The following DYTN variants were observed in gnomAD, a reference collection of about 807,000 sequenced individuals.
DYTN encodes the protein dystrotelin.
A neutral mutation model predicts 69.6 loss-of-function variants in DYTN; 75 were observed. The ratio of observed to expected loss-of-function variants is 1.08; its 90% CI spans 0.89 to 1.31. The LOEUF is 1.31. DYTN is among the 50% of genes most tolerant of loss of function. The pLI, the probability that DYTN is intolerant of heterozygous loss-of-function variation, is 0.00. For synonymous variants in DYTN, 252 were observed against 249.1 expected (o/e 1.01, Z -0.11); for missense variants, 726 against 688.4 (o/e 1.05, Z -0.61).
intron 9 of DYTN, among the ~76,000 whole-genome samples, chr2:206,672,317 G>A (rs970263622): frequency 6.6e-6 from 1 of 152,186 alleles, no homozygotes; most frequent in Non-Finnish European, 1.5e-5. Flanking sequence ...TAAAAGAAAA[G>A]TGAAATAAAG....
intron 11 of DYTN, among the ~76,000 whole-genome samples, chr2:206,655,566 C>T (rs1225173075): frequency 2.6e-5 from 4 of 151,468 alleles, no homozygotes; most frequent in South Asian, 2.1e-4. Context: ...CGTACCAACA[C>T]ATCCAGCTAA....
intron 9 of DYTN, among the ~76,000 whole-genome samples, chr2:206,684,157 CT>C (rs1389670003): frequency 6.6e-6 from 1 of 151,952 alleles, no homozygotes; most frequent in African/African-American, 2.4e-5. Context: ...AGTGTATTTT[CT>C]GAAAATTCTG....
In DYTN at chr2:206,665,859, A is replaced by G; in HGVS notation, c.1140+11T>C. 1.2e-6 allele frequency: 2 copies of G among 1,612,596 alleles called. No individual in the cohort carries two copies. The highest frequency in any genetic ancestry group is 1.7e-6 in the Non-Finnish European group (2 of 1,179,220). On this transcript the variant is annotated intron_variant, in intron 10 of 11. Coordinates refer to ENST00000452335, the MANE Select transcript of DYTN (RefSeq NM_001093730.1). Reference sequence around the variant, plus strand: ...GCAGTCCAGATGGCCAGTGTCCCTCACATTTTATACCTGTAGGTCCCGTCT... The same window carrying G: ...GCAGTCCAGATGGCCAGTGTCCCTCGCATTTTATACCTGTAGGTCCCGTCT...
intron 2 of DYTN, 28 bp from the exon 3 acceptor site, chr2:206,707,531 C>A: frequency 1.3e-6 from 2 of 1,583,650 alleles, no homozygotes; most frequent in Non-Finnish European, 1.7e-6. Flanking sequence ...AGAATTGAGC[C>A]TTATTTTCTG....
intron 9 of DYTN, among the ~76,000 whole-genome samples, chr2:206,680,273 T>C (rs886737164): frequency 2.6e-5 from 4 of 152,032 alleles, no homozygotes; most frequent in Non-Finnish European, 5.9e-5. Flanking sequence ...TGAGACTTAC[T>C]CACTATTATG....
At chr2:206,708,310 A>T (rs1380178114) in intron 2 of DYTN, among the ~76,000 whole-genome samples, 2 of 152,208 alleles carry the variant, frequency 1.3e-5, no homozygotes, top group Non-Finnish European at 2.9e-5. Context: ...AGCCACTTGC[A>T]CCATCTGAGA....
chr2:206,710,657 T>C, intron 1 of DYTN, 59 bp from the exon 2 acceptor site: 1 of 1,328,280 alleles, frequency 7.5e-7, no homozygotes, highest in Non-Finnish European at 1.0e-6. Flanking sequence ...AAATCCCACA[T>C]CATGGAAGGA....
intron 2 of DYTN, among the ~76,000 whole-genome samples, chr2:206,710,216 A>G (rs977534727): frequency 4.6e-5 from 7 of 152,182 alleles, no homozygotes; most frequent in Non-Finnish European, 1.0e-4. Context: ...TTGTGTCCAT[A>G]TTGGTATCCT....
intron 11 of DYTN, among the ~76,000 whole-genome samples, chr2:206,654,920 T>C (rs1699431221): frequency 6.6e-6 from 1 of 152,118 alleles, no homozygotes; most frequent in African/African-American, 2.4e-5. Flanking sequence ...CATATGCAAA[T>C]AGAGATCTTT....
At chr2:206,668,495 A>T (rs13382730) in intron 9 of DYTN, among the ~76,000 whole-genome samples, 1 of 152,150 alleles carries the variant, frequency 6.6e-6, no homozygotes. Flanking sequence ...ATAACAAACA[A>T]TTCAGGTTAT....
At chr2:206,674,245 GTTGAGCATAT>G (rs1699658901) in intron 9 of DYTN, among the ~76,000 whole-genome samples, 1 of 152,056 alleles carries the variant, frequency 6.6e-6, no homozygotes, top group Non-Finnish European at 1.5e-5. Flanking sequence ...GGGAGTAAAA[GTTGAGCATAT>G]TTGAGTTGAA....
At chr2:206,690,881 G>A (rs1436669906) in intron 9 of DYTN, among the ~76,000 whole-genome samples, 2 of 152,208 alleles carry the variant, frequency 1.3e-5, no homozygotes, top group Admixed American at 6.5e-5. Flanking sequence ...CTGGAACACA[G>A]AGACTGTGGA....
chr2:206,667,705 T>C (rs1699588721), intron 9 of DYTN, among the ~76,000 whole-genome samples: 1 of 150,640 alleles, frequency 6.6e-6, no homozygotes, highest in African/African-American at 2.4e-5. Context: ...TGCGTGTGTG[T>C]GTGTGTGTGT....
intron 1 of DYTN, among the ~76,000 whole-genome samples, chr2:206,715,221 T>G (rs1264304705): frequency 6.6e-6 from 1 of 152,104 alleles, no homozygotes; most frequent in Admixed American, 6.5e-5. Flanking sequence ...TCCTACTTTT[T>G]GGGGGAGGAA....
At chr2:206,712,613 TA>T (rs1245735553) in intron 1 of DYTN, among the ~76,000 whole-genome samples, 3 of 152,090 alleles carry the variant, frequency 2.0e-5, no homozygotes, top group Admixed American at 1.3e-4. Flanking sequence ...ACTCAGGAAG[TA>T]GGGGATCCAG....
chr2:206,703,649 A>G (rs1333347851), intron 5 of DYTN, among the ~76,000 whole-genome samples: 1 of 152,210 alleles, frequency 6.6e-6, no homozygotes, highest in East Asian at 1.9e-4. Flanking sequence ...ATAATTCTGA[A>G]TAGGTTTTTC....
At chr2:206,701,500 C>G (rs771982296) in intron 5 of DYTN, among the ~76,000 whole-genome samples, 9 of 152,050 alleles carry the variant, frequency 5.9e-5, no homozygotes, top group Non-Finnish European at 1.2e-4. Context: ...CATGAATGAA[C>G]CTAGAGGACA....
chr2:206,668,494 A>C (rs1332595497), intron 9 of DYTN, among the ~76,000 whole-genome samples: 5 of 152,214 alleles, frequency 3.3e-5, no homozygotes, highest in Admixed American at 6.5e-5. Context: ...CATAACAAAC[A>C]ATTCAGGTTA....
At chr2:206,666,808 T>C (rs1371325392) in intron 9 of DYTN, among the ~76,000 whole-genome samples, 1 of 143,062 alleles carries the variant, frequency 7.0e-6, no homozygotes, top group Non-Finnish European at 1.5e-5. Flanking sequence ...GGGGTATCCC[T>C]TGAGGCCAGG....
Sources: gnomAD v4.1 joint callset for allele counts (sites outside exome capture counted in the v4.1 genomes callset) on GRCh38, gnomAD v4.1.1 for gene constraint, MANE v1.5 for transcripts, NCBI Gene and HGNC (gene_info 2026-07-23, HGNC 2026-07-21) for gene names.